The following SLIT3 variants were observed in gnomAD, a reference collection of about 807,000 sequenced individuals.
SLIT3 encodes slit homolog 3 protein.
In SLIT3, 68 loss-of-function variants were observed where a neutral mutation model predicts 184.0. The ratio of observed to expected loss-of-function variants is 0.37; its 90% CI spans 0.30 to 0.45. SLIT3 has a LOEUF of 0.45. Among genes scored for constraint, SLIT3 ranks in the 20% least tolerant of loss-of-function variants. The probability of loss-of-function intolerance (pLI) is 1.00; values close to 1 mark genes in which losing one functional copy is unlikely to be tolerated. For synonymous variants in SLIT3, 831 were observed against 828.6 expected, an observed-to-expected ratio of 1.00 and a Z score of -0.05; for missense variants, 1,707 against 2,026.0, an observed-to-expected ratio of 0.84 and a Z score of 3.02.
Position 168,883,266 on chromosome 5 carries a change from G to T in SLIT3, c.484C>A (p.Leu162Met). ...AFRGITDVKN[L>M]QLDNNHISCI... The stretch of plus-strand genomic sequence containing the variant: ...TGAAGCAAGGAAAACATCACTTACA[G>T]GTTCTTCACATCGGTGATGCCGCGG... Residue 162 changes from leucine to methionine, a missense_variant and splice_region_variant, in exon 5 of 36, where the codon CTG becomes ATG. Around this residue, in one of 3 missense-constraint regions of SLIT3, gnomAD observed 1,307 missense variants for 1,511.6 expected, o/e 0.86. Coordinates refer to ENST00000519560, the MANE Select transcript of SLIT3 (RefSeq NM_003062.4). 1 of 1,613,512 alleles carries T rather than the reference G, an allele frequency of 6.2e-7. No individual in the cohort carries two copies. The highest frequency in any genetic ancestry group is 8.5e-7 in the Non-Finnish European group (1 of 1,179,390).
intron 5 of SLIT3, among the ~76,000 whole-genome samples, chr5:168,854,578 G>A (rs931009782): frequency 1.3e-5 from 2 of 152,240 alleles, no homozygotes; most frequent in Non-Finnish European, 2.9e-5. Context: ...ACCAGGCTGG[G>A]ACAGCATAGT....
At chr5:168,991,068 T>C (rs1755307199) in intron 4 of SLIT3, among the ~76,000 whole-genome samples, 1 of 152,182 alleles carries the variant, frequency 6.6e-6, no homozygotes, top group South Asian at 2.1e-4. Context: ...ATCACACAGC[T>C]AGCAACTGGC....
chr5:168,967,758 G>A (rs533703601), intron 4 of SLIT3, among the ~76,000 whole-genome samples: 1 of 152,202 alleles, frequency 6.6e-6, no homozygotes, highest in Admixed American at 6.5e-5. Flanking sequence ...ATCTTTGAGG[G>A]ATTTTTCATT....
chr5:169,172,287 T>A (rs1034935849), intron 4 of SLIT3, among the ~76,000 whole-genome samples: 1 of 152,212 alleles, frequency 6.6e-6, no homozygotes, highest in Non-Finnish European at 1.5e-5. Flanking sequence ...GATACTTATT[T>A]CAGGGTCCTT....
intron 27 of SLIT3, among the ~76,000 whole-genome samples, chr5:168,697,576 A>T (rs1762100124): frequency 2.0e-5 from 3 of 152,180 alleles, no homozygotes; most frequent in Admixed American, 2.0e-4. Flanking sequence ...GGTTTCAGAG[A>T]TTGCTCTGAC....
At chr5:169,224,626 C>G (rs1262372098) in intron 3 of SLIT3, among the ~76,000 whole-genome samples, 1 of 152,048 alleles carries the variant, frequency 6.6e-6, no homozygotes, top group Non-Finnish European at 1.5e-5. Context: ...CTTCAGCCTC[C>G]CAAAGTGTTG....
intron 8 of SLIT3, among the ~76,000 whole-genome samples, chr5:168,814,699 C>T (rs1024530019): frequency 2.6e-4 from 40 of 152,202 alleles, no homozygotes; most frequent in South Asian, 4.1e-4. Context: ...TTTTTGAAAA[C>T]GCATTAGGTT....
At chr5:169,163,095 G>A (rs930789222) in intron 4 of SLIT3, among the ~76,000 whole-genome samples, 6 of 152,120 alleles carry the variant, frequency 3.9e-5, no homozygotes, top group African/African-American at 1.4e-4. Flanking sequence ...GGTCGAGGTG[G>A]GTGGATCATG....
intron 4 of SLIT3, among the ~76,000 whole-genome samples, chr5:169,008,028 C>T (rs543416793): frequency 6.6e-6 from 1 of 152,248 alleles, no homozygotes; most frequent in Non-Finnish European, 1.5e-5. Flanking sequence ...TTTGGTATTA[C>T]CAGGCAGAGG....
At chr5:169,279,802 TA>T (rs1766935298) in intron 1 of SLIT3, among the ~76,000 whole-genome samples, 1 of 152,200 alleles carries the variant, frequency 6.6e-6, no homozygotes, top group East Asian at 1.9e-4. Context: ...ATGAAGTAAA[TA>T]ATGTCCCCTC....
At chr5:168,969,322 G>A (rs1454984822) in intron 4 of SLIT3, among the ~76,000 whole-genome samples, 1 of 152,188 alleles carries the variant, frequency 6.6e-6, no homozygotes. Flanking sequence ...AATAAATTAT[G>A]CAGAGGTTTT....
chr5:169,125,040 G>GTTTTTGT (rs1183005331), intron 4 of SLIT3, among the ~76,000 whole-genome samples: 5 of 151,420 alleles, frequency 3.3e-5, no homozygotes, highest in Non-Finnish European at 7.4e-5. Flanking sequence ...GTTTTGTTTT[G>GTTTTTGT]TTTTTGTTTT....
intron 4 of SLIT3, among the ~76,000 whole-genome samples, chr5:168,975,327 C>T (rs748977599): frequency 3.3e-5 from 5 of 152,194 alleles, no homozygotes; most frequent in Non-Finnish European, 7.3e-5. Flanking sequence ...TTCTGAAATC[C>T]TACTTCTGCT....
At chr5:169,260,401 T>C (rs1409087355) in intron 1 of SLIT3, among the ~76,000 whole-genome samples, 2 of 152,132 alleles carry the variant, frequency 1.3e-5, no homozygotes, top group African/African-American at 4.8e-5. Context: ...TTCTCTTCCC[T>C]ATGAGCTAAG....
At chr5:168,806,663 T>C in intron 8 of SLIT3, 76 bp from the exon 9 acceptor site, 2 of 1,548,428 alleles carry the variant, frequency 1.3e-6, no homozygotes, top group South Asian at 1.2e-5. Flanking sequence ...TTAACCAGCA[T>C]CCTAAGGGCA....
At position 168,924,493 on chromosome 5, in the gene SLIT3, G is replaced by GGTGTGT. The variant is rs533742883; in HGVS notation, c.414-41163_414-41158dup. Among the ~76,000 whole-genome samples, 9 of 140,550 alleles carry GGTGTGT rather than the reference G, an allele frequency of 6.4e-5. No homozygotes were observed. The East Asian group carries it at 1.4e-3, about 22-fold the overall frequency. 92.2% of individuals were successfully genotyped at this position (140,550 alleles called of 152,430 possible). The stretch of plus-strand genomic sequence containing the variant: ...TAAGGAACATTTAAGGGTGTGTAAG[G>GGTGTGT]GTGTGTGTGTGTGTATGTGTGTGTG... On this transcript the variant is annotated intron_variant, in intron 4 of 35. Transcript: ENST00000519560.
chr5:168,776,224 A>G (rs1205114177), intron 12 of SLIT3, among the ~76,000 whole-genome samples: 1 of 152,086 alleles, frequency 6.6e-6, no homozygotes, highest in Non-Finnish European at 1.5e-5. Context: ...CCTCTCCCTT[A>G]GCTGCGGGCC....
At chr5:168,853,956 C>T (rs181841371) in intron 5 of SLIT3, among the ~76,000 whole-genome samples, 1 of 152,338 alleles carries the variant, frequency 6.6e-6, no homozygotes, top group Non-Finnish European at 1.5e-5. Flanking sequence ...ATGAACTGCT[C>T]TTTCCAAGCT....
chr5:169,034,159 T>C (rs913213943), intron 4 of SLIT3, among the ~76,000 whole-genome samples: 2 of 152,218 alleles, frequency 1.3e-5, no homozygotes, highest in South Asian at 4.1e-4. Flanking sequence ...CTTTACCATA[T>C]ATATGGCTTG....
Sources: gnomAD v4.1 joint callset for allele counts (sites outside exome capture counted in the v4.1 genomes callset) on GRCh38, gnomAD v4.1.1 for gene constraint, gnomAD v4.1.1 regional missense constraint, MANE v1.5 for transcripts, NCBI Gene and HGNC (gene_info 2026-07-23, HGNC 2026-07-21) for gene names.